STAM2: variants seen among roughly 807,000 people sequenced by gnomAD.
STAM2 encodes the protein signal transducing adaptor molecule 2.
STAM2 carries 51 observed loss-of-function variants against 65.6 expected under a neutral mutation model. That is an observed-to-expected ratio of 0.78 (90% confidence interval 0.62 to 0.98). STAM2 has a LOEUF of 0.98. Among genes scored for constraint, STAM2 ranks in the 50% least tolerant of loss-of-function variants. The pLI, the probability that STAM2 is intolerant of heterozygous loss-of-function variation, is 0.00. For missense variants in STAM2, 584 were observed against 617.8 expected (o/e 0.95, Z 0.58); for synonymous variants, 198 against 208.4 (o/e 0.95, Z 0.43).
At chr2:152,155,564 G>A (rs1689527241) in intron 1 of STAM2, among the ~76,000 whole-genome samples, 2 of 152,122 alleles carry the variant, frequency 1.3e-5, no homozygotes, top group African/African-American at 4.8e-5. Flanking sequence ...AGGGTAAGTG[G>A]GGAAGGCAAT....
intron 5 of STAM2, among the ~76,000 whole-genome samples, chr2:152,145,824 G>C (rs893533376): frequency 6.6e-6 from 1 of 152,200 alleles, no homozygotes; most frequent in Non-Finnish European, 1.5e-5. Flanking sequence ...TGTAAGACAG[G>C]TATCCAGGAC....
rs773812694 is a variant in STAM2, at chr2:152,148,004, C to T, written c.300+20G>A. The T allele has an allele frequency of 2.6e-6, 4 of 1,565,256 alleles. No homozygotes were observed. The South Asian group carries it at 3.5e-5, about 14-fold the overall frequency. On this transcript the variant is annotated intron_variant, in intron 4 of 13. Transcript: ENST00000263904. ...TACATTTTTTTAATGACTTAAAGTT[C>T]TTCTGTTTTTAAAATTTACCTTATT...
intron 7 of STAM2, 45 bp downstream of exon 7, chr2:152,143,781 TA>T (rs750159596): frequency 1.4e-6 from 2 of 1,441,572 alleles, no homozygotes; most frequent in African/African-American, 2.9e-5. Flanking sequence ...GATTCTAAAT[TA>T]AGGGCATTAC....
chr2:152,173,906 A>G (rs1377133813), intron 1 of STAM2, among the ~76,000 whole-genome samples: 1 of 152,186 alleles, frequency 6.6e-6, no homozygotes. Context: ...TTCTGAATTC[A>G]GTCATGCTTA....
Position 152,142,435 on chromosome 2 carries a change from A to G in STAM2, c.704+1392T>C, listed in dbSNP as rs1384862573. 3.9e-5 allele frequency among the ~76,000 whole-genome samples: 6 copies of G among 152,204 alleles called. No individual in the cohort carries two copies. The East Asian group carries it at 7.7e-4, about 20-fold the overall frequency. On this transcript the variant is annotated intron_variant, in intron 7 of 13. Coordinates refer to ENST00000263904, the MANE Select transcript of STAM2 (RefSeq NM_005843.6). ...AAACGGTAAACCTAAGTTCTTTTGT[A>G]AGTACTCTAACTAAAAGACACTCAT...
chr2:152,135,815 C>A (rs1372443089), intron 7 of STAM2, among the ~76,000 whole-genome samples: 2 of 152,148 alleles, frequency 1.3e-5, no homozygotes, highest in Non-Finnish European at 2.9e-5. Flanking sequence ...ACCAGCCAGG[C>A]GCAGTGGCTC....
At chr2:152,161,206 CT>C (rs1689667338) in intron 1 of STAM2, among the ~76,000 whole-genome samples, 1 of 151,642 alleles carries the variant, frequency 6.6e-6, no homozygotes, top group Non-Finnish European at 1.5e-5. Flanking sequence ...ACCCCCAACC[CT>C]GTGCTCTCTG....
chr2:152,145,541 T>C (rs1460656139), intron 5 of STAM2, among the ~76,000 whole-genome samples: 1 of 152,214 alleles, frequency 6.6e-6, no homozygotes, highest in East Asian at 1.9e-4. Flanking sequence ...ATTAATAGAA[T>C]TTAAAAAAGA....
chr2:152,120,440 A>T lies in STAM2; in HGVS notation c.*134T>A. 6 of 596,482 alleles carry T rather than the reference A, an allele frequency of 1.0e-5. No homozygotes were observed. The highest frequency in any genetic ancestry group is 1.8e-5 in the Non-Finnish European group (6 of 340,716). 36.9% of individuals were successfully genotyped at this position (596,482 alleles called of 1,614,324 possible). ...ACCTTTTATGGCCTTGTAGAATAAGAGAGGTTTTTGTGCTTTATTTATTCA... is the reference window on the plus strand; with the variant it reads ...ACCTTTTATGGCCTTGTAGAATAAGTGAGGTTTTTGTGCTTTATTTATTCA... On this transcript the variant is annotated 3_prime_UTR_variant, in exon 14 of 14. Coordinates refer to ENST00000263904, the MANE Select transcript of STAM2 (RefSeq NM_005843.6).
chr2:152,146,302 C>A (rs1012326714), intron 5 of STAM2, among the ~76,000 whole-genome samples: 2 of 150,090 alleles, frequency 1.3e-5, no homozygotes, highest in African/African-American at 4.9e-5. Context: ...CTTTTTTTCT[C>A]TTTAATCTAT....
chr2:152,155,305 G>A (rs1290600062), intron 1 of STAM2, among the ~76,000 whole-genome samples: 3 of 152,180 alleles, frequency 2.0e-5, no homozygotes, highest in African/African-American at 4.8e-5. Flanking sequence ...TTGAGTACAC[G>A]AACTAAAAGG....
intron 11 of STAM2, 59 bp from the exon 12 acceptor site, chr2:152,126,438 A>G: frequency 4.6e-5 from 50 of 1,081,662 alleles, no homozygotes; most frequent in Non-Finnish European, 5.6e-5. Flanking sequence ...ATTTAGTAAT[A>G]TAAATTATTT....
At position 152,156,539 on chromosome 2, in the gene STAM2, G is replaced by A. The variant is rs184179244; in HGVS notation, c.41-6310C>T. 4.6e-3 allele frequency among the ~76,000 whole-genome samples: 696 copies of A among 152,192 alleles called. 5 individuals carry two copies. The highest frequency in any genetic ancestry group is 0.016 in the African/African-American group (667 of 41,514). On this transcript the variant is annotated intron_variant, in intron 1 of 13. Transcript: ENST00000263904. ...CCTGGGGCCTAAATGCTAAATCGCC[G>A]GCATTTGGTGGGTGTAAGTCATAAC...
intron 1 of STAM2, among the ~76,000 whole-genome samples, chr2:152,163,715 A>G (rs770853144): frequency 4.6e-5 from 7 of 152,220 alleles, no homozygotes; most frequent in Non-Finnish European, 1.0e-4. Context: ...AATACTAAAT[A>G]TTAAGACCCT....
intron 1 of STAM2, among the ~76,000 whole-genome samples, chr2:152,172,786 A>C (rs1490518782): frequency 5.3e-5 from 8 of 150,852 alleles, no homozygotes; most frequent in Non-Finnish European, 8.9e-5. Context: ...CAGGAAAATC[A>C]CTTGAACCCG....
At chr2:152,160,099 C>T (rs1434666773) in intron 1 of STAM2, among the ~76,000 whole-genome samples, 1 of 152,238 alleles carries the variant, frequency 6.6e-6, no homozygotes, top group Non-Finnish European at 1.5e-5. Flanking sequence ...CTCCCAGCCG[C>T]CTGCCTTGGC....
intron 1 of STAM2, among the ~76,000 whole-genome samples, chr2:152,156,538 C>T (rs556414100): frequency 5.3e-5 from 8 of 152,080 alleles, no homozygotes; most frequent in Admixed American, 1.3e-4. Context: ...GCTAAATCGC[C>T]GGCATTTGGT....
At chr2:152,120,951 T>C (rs527611753) in intron 13 of STAM2, 149 bp from the exon 14 acceptor site, 146 of 635,700 alleles carry the variant, frequency 2.3e-4, no homozygotes, top group Non-Finnish European at 3.0e-4. Flanking sequence ...ATTCCAGCCA[T>C]TGAATACTGT....
intron 8 of STAM2, among the ~76,000 whole-genome samples, chr2:152,134,573 C>G (rs1369689911): frequency 6.6e-6 from 1 of 152,162 alleles, no homozygotes; most frequent in African/African-American, 2.4e-5. Context: ...TTCTCCTGAA[C>G]TGGCAAGGAC....
Sources: gnomAD v4.1 joint callset for allele counts (sites outside exome capture counted in the v4.1 genomes callset) on GRCh38, gnomAD v4.1.1 for gene constraint, MANE v1.5 for transcripts, NCBI Gene and HGNC (gene_info 2026-07-23, HGNC 2026-07-21) for gene names.